Variants in DENND1B observed in about 807,000 individuals in gnomAD.
DENND1B encodes the protein DENN domain-containing protein 1B.
Under a neutral mutation model 90.1 loss-of-function variants are expected in DENND1B, and 59 were observed. That is an observed-to-expected ratio of 0.65 (90% CI 0.53 to 0.81). The LOEUF is 0.81. Ranked by LOEUF, DENND1B falls within the 40% of genes least tolerant of loss-of-function variation. DENND1B has a pLI of 0.00. For synonymous variants in DENND1B, 337 were observed against 324.6 expected, an observed-to-expected ratio of 1.04 and a Z score of -0.41; for missense variants, 862 against 912.6, an observed-to-expected ratio of 0.94 and a Z score of 0.71.
At chr1:197,527,518 G>A (rs1669234719) in intron 20 of DENND1B, among the ~76,000 whole-genome samples, 1 of 151,956 alleles carries the variant, frequency 6.6e-6, no homozygotes, top group African/African-American at 2.4e-5. Context: ...CTGACCTCAA[G>A]TGATCCGCCT....
At chr1:197,671,206 T>A (rs1655467711) in intron 5 of DENND1B, among the ~76,000 whole-genome samples, 1 of 152,170 alleles carries the variant, frequency 6.6e-6, no homozygotes, top group Non-Finnish European at 1.5e-5. Context: ...TTGACCAATA[T>A]CCATGTTATA....
intron 3 of DENND1B, among the ~76,000 whole-genome samples, chr1:197,707,913 T>C (rs1659764225): frequency 6.6e-6 from 1 of 151,300 alleles, no homozygotes; most frequent in African/African-American, 2.4e-5. Context: ...TTGCCTCACC[T>C]GGGAAGCGCA....
chr1:197,714,980 C>G lies in DENND1B; in HGVS notation c.126+51G>C, dbSNP rs1404045923. Reference sequence around the variant, plus strand: ...GCAACAGCAGCAGTAATAGTAGCAACAATCATAATACTTCAACTTTAAATT... The same window carrying G: ...GCAACAGCAGCAGTAATAGTAGCAAGAATCATAATACTTCAACTTTAAATT... On this transcript the variant is annotated intron_variant, in intron 3 of 22. Coordinates refer to ENST00000620048, the MANE Select transcript of DENND1B (RefSeq NM_001195215.2). The G allele has an allele frequency of 3.7e-6, 5 of 1,364,206 alleles. 1 individual carries two copies. The highest frequency in any genetic ancestry group is 5.2e-6 in the Non-Finnish European group (5 of 958,478). The allele number at this position is 1,364,206 out of a possible 1,614,324, so 84.5% of individuals were successfully genotyped here. A position where few individuals can be genotyped will look rare whatever the true frequency, so the allele number is the denominator to read the frequency against.
At chr1:197,721,954 ACTGC>A (rs2102276148) in intron 2 of DENND1B, among the ~76,000 whole-genome samples, 1 of 152,286 alleles carries the variant, frequency 6.6e-6, no homozygotes, top group South Asian at 2.1e-4. Context: ...CACAAGATAT[ACTGC>A]CTATTATTCC....
At chr1:197,674,294 C>T in intron 3 of DENND1B, 125 bp from the exon 4 acceptor site, 1 of 678,690 alleles carries the variant, frequency 1.5e-6, no homozygotes, top group South Asian at 2.0e-5. Flanking sequence ...AAAAATAGCA[C>T]AGGTTCCTAG....
At chr1:197,722,753 C>T (rs1661299313) in intron 2 of DENND1B, among the ~76,000 whole-genome samples, 1 of 152,066 alleles carries the variant, frequency 6.6e-6, no homozygotes, top group South Asian at 2.1e-4. Flanking sequence ...AGATCTTTTA[C>T]TTTATAATCA....
intron 5 of DENND1B, among the ~76,000 whole-genome samples, chr1:197,670,443 C>CTGTATGTGTGTGTGTGTG (rs1553320872): frequency 1.0e-4 from 10 of 99,538 alleles, no homozygotes; most frequent in African/African-American, 4.0e-4. Context: ...GGGGGGAAGA[C>CTGTATGTGTGTGTGTGTG]TGTGTGTGTG....
chr1:197,672,289 A>G (rs908888911), intron 4 of DENND1B, 133 bp from the exon 5 acceptor site: 2 of 1,089,182 alleles, frequency 1.8e-6, no homozygotes, highest in Non-Finnish European at 2.6e-6. Flanking sequence ...AGCTAGAACT[A>G]TGTTCTAAAA....
rs750574845 is a variant in DENND1B, at chr1:197,539,978, G to T, written c.1501C>A (p.Arg501Ser). 13 of 1,612,410 alleles carry T rather than the reference G, an allele frequency of 8.1e-6. No individual in the cohort carries two copies. The highest frequency in any genetic ancestry group is 1.6e-4 in the Middle Eastern group (1 of 6,066). The change falls in exon 20 of 23, where the codon CGT (arginine) becomes AGT (serine). Residue 501 changes from arginine to serine, a missense_variant. Physicochemically the swap from Arg to Ser is moderately radical, Grantham distance 110. Coordinates refer to ENST00000620048, the MANE Select transcript of DENND1B (RefSeq NM_001195215.2). Reference protein sequence around the residue: ...HNEKGGNSEKRKLAQARLKRP... With the variant: ...HNEKGGNSEKSKLAQARLKRP... ...ACCTTACTTACCTGAGCAAGCTTACGCTTTTCTGAGTTTCCTCCCTTTTCA... is the reference window on the plus strand; with the variant it reads ...ACCTTACTTACCTGAGCAAGCTTACTCTTTTCTGAGTTTCCTCCCTTTTCA...
At chr1:197,719,680 T>C (rs1445776646) in intron 2 of DENND1B, among the ~76,000 whole-genome samples, 1 of 152,162 alleles carries the variant, frequency 6.6e-6, no homozygotes, top group Non-Finnish European at 1.5e-5. Flanking sequence ...GGCATTTCTC[T>C]CAATTGGTGG....
In DENND1B at chr1:197,734,385, A is replaced by T. The variant is rs144720734; in HGVS notation, c.83-19311T>A. The T allele has an allele frequency of 2.8e-5, 28 of 984,408 alleles. No individual in the cohort carries two copies. The East Asian group carries it at 3.1e-3, about 108-fold the overall frequency. 61.0% of individuals were successfully genotyped at this position (984,408 alleles called of 1,614,324 possible). ...ATGGTTGAGTTCATGAATATTTACA[A>T]GGGGCTTTGGGGACTGCTGCAGTTT... On this transcript the variant is annotated intron_variant, in intron 2 of 22. Transcript: ENST00000620048.
chr1:197,748,216 C>A (rs558583371), intron 2 of DENND1B, among the ~76,000 whole-genome samples: 1 of 113,410 alleles, frequency 8.8e-6, no homozygotes, highest in East Asian at 2.9e-4. Context: ...AAATATTCAG[C>A]GTGTAACAAA....
intron 2 of DENND1B, among the ~76,000 whole-genome samples, chr1:197,728,215 T>G (rs1176955398): frequency 6.6e-6 from 1 of 152,174 alleles, no homozygotes; most frequent in Non-Finnish European, 1.5e-5. Flanking sequence ...CCCCAGGTGA[T>G]TCTTATGTGC....
chr1:197,654,958 T>A (rs945085557), intron 6 of DENND1B, among the ~76,000 whole-genome samples: 8 of 152,162 alleles, frequency 5.3e-5, no homozygotes, highest in East Asian at 1.9e-4. Context: ...ATATAATTTT[T>A]AAAAATTAAA....
chr1:197,620,002 A>G (rs1180080708), intron 10 of DENND1B, among the ~76,000 whole-genome samples: 6 of 151,316 alleles, frequency 4.0e-5, no homozygotes. Flanking sequence ...TTCTGGAACT[A>G]AGCAACCAGA....
intron 2 of DENND1B, among the ~76,000 whole-genome samples, chr1:197,731,702 T>C (rs1391220133): frequency 6.6e-6 from 1 of 152,064 alleles, no homozygotes; most frequent in African/African-American, 2.4e-5. Context: ...AAATAGCTGA[T>C]GAGCAAAAAA....
At chr1:197,563,009 G>C (rs954794340) in intron 15 of DENND1B, among the ~76,000 whole-genome samples, 3 of 151,914 alleles carry the variant, frequency 2.0e-5, no homozygotes, top group African/African-American at 7.2e-5. Context: ...TTATATGAAG[G>C]GTGAGACATG....
In DENND1B at chr1:197,510,472, T is replaced by G. The variant is rs1347712276; in HGVS notation, c.2316A>C (p.Gly772=). 37 of 1,602,120 alleles carry G rather than the reference T, an allele frequency of 2.3e-5. No homozygotes were observed. Among genetic ancestry groups the G allele is most frequent in the Non-Finnish European group, 2.9e-5 (34 of 1,173,578 alleles). ...TTGGATGCAAGATTTAAGTTTGGTTTCCATTTGTGTTTTTGTCTGAAATGT... is the reference window on the plus strand; with the variant it reads ...TTGGATGCAAGATTTAAGTTTGGTTGCCATTTGTGTTTTTGTCTGAAATGT... ...SLNISDKNTN[G]NQT The change falls in exon 23 of 23, where the codon GGA becomes GGC. Residue 772 remains glycine, a synonymous_variant. Transcript: ENST00000620048.
At position 197,647,947 on chromosome 1, in the gene DENND1B, CAA is replaced by C. The variant is rs5779884; in HGVS notation, c.448-835_448-834del. Among the ~76,000 whole-genome samples, 785 of 78,542 alleles carry C rather than the reference CAA, an allele frequency of 1.0e-2. 2 individuals are homozygous for C. The highest frequency in any genetic ancestry group is 0.038 in the African/African-American group (694 of 18,336). The allele number at this position is 78,542 out of a possible 152,430, so 51.5% of individuals were successfully genotyped here. A position where few individuals can be genotyped will look rare whatever the true frequency, so the allele number is the denominator to read the frequency against. ...GGGCAACAAGAGCGAAACTCCACTT[CAA>C]AAAAAAAAAAAAAAAGATATTATAA... is the stretch of plus-strand genomic sequence containing the variant. On this transcript the variant is annotated intron_variant, in intron 7 of 22. Coordinates refer to ENST00000620048, the MANE Select transcript of DENND1B (RefSeq NM_001195215.2).
Sources: gnomAD v4.1 joint callset for allele counts (sites outside exome capture counted in the v4.1 genomes callset) on GRCh38, gnomAD v4.1.1 for gene constraint, MANE v1.5 for transcripts, NCBI Gene and HGNC (gene_info 2026-07-23, HGNC 2026-07-21) for gene names.